Variants in FYB2 observed in about 807,000 individuals in gnomAD.
FYB2 encodes the protein FYN binding protein 2, also known as FYN-binding protein 2.
In FYB2, 103 loss-of-function variants were observed where a neutral mutation model predicts 94.1. That is an observed-to-expected ratio of 1.09 (90% CI 0.93 to 1.29). The LOEUF is 1.29. Among genes scored for constraint, FYB2 ranks in the 50% most tolerant of loss-of-function variants. The probability of loss-of-function intolerance (pLI) is 0.00; values close to 1 mark genes in which losing one functional copy is unlikely to be tolerated. For missense variants in FYB2, 896 were observed against 841.5 expected (o/e 1.06, Z -0.80); for synonymous variants, 293 against 287.9 (o/e 1.02, Z -0.18).
chr1:56,780,185 A>G (rs887709654), intron 4 of FYB2, among the ~76,000 whole-genome samples: 4 of 152,254 alleles, frequency 2.6e-5, no homozygotes, highest in East Asian at 1.9e-4. Context: ...CAAGTCTGCA[A>G]CTTGTGATTG....
chr1:56,749,294 A>G (rs1265255989), intron 9 of FYB2, among the ~76,000 whole-genome samples: 1 of 151,768 alleles, frequency 6.6e-6, no homozygotes, highest in Non-Finnish European at 1.5e-5. Flanking sequence ...CTTTTCCAGT[A>G]TCCTTTTATG....
At position 56,726,590 on chromosome 1, in the gene FYB2, A is replaced by C. The variant is rs746484032; in HGVS notation, c.1794-7T>G. ...TTTCAGTTTATCTTCATCTCTGAGG[A>C]GAAATATATTTTGAGCAAGTAAATT... On this transcript the variant is annotated splice_polypyrimidine_tract_variant and splice_region_variant and intron_variant, in intron 15 of 19. Transcript: ENST00000343433. The C allele has an allele frequency of 2.5e-6, 4 of 1,603,944 alleles. No homozygotes were observed. In the South Asian group the frequency reaches 4.4e-5, roughly 18 times the overall value.
At chr1:56,740,627 T>G in intron 13 of FYB2, 70 bp downstream of exon 13, 2 of 897,444 alleles carry the variant, frequency 2.2e-6, no homozygotes, top group South Asian at 1.8e-5. Flanking sequence ...TGAGATTGGA[T>G]GGAGAACATC....
At chr1:56,781,699 A>T (rs565536813) in intron 4 of FYB2, among the ~76,000 whole-genome samples, 1 of 152,166 alleles carries the variant, frequency 6.6e-6, no homozygotes, top group Non-Finnish European at 1.5e-5. Context: ...GTGTCAGCTC[A>T]TGTCACTTCC....
At chr1:56,743,272 C>T (rs997076464) in intron 11 of FYB2, among the ~76,000 whole-genome samples, 1 of 151,890 alleles carries the variant, frequency 6.6e-6, no homozygotes, top group Non-Finnish European at 1.5e-5. Flanking sequence ...ATGTACTTGG[C>T]ATTATGCTAG....
At chr1:56,790,812 A>T (rs943547523) in intron 2 of FYB2, among the ~76,000 whole-genome samples, 2 of 152,214 alleles carry the variant, frequency 1.3e-5, no homozygotes, top group Non-Finnish European at 2.9e-5. Context: ...GAGGCAGTAC[A>T]CTTTATAGAG....
chr1:56,825,484 C>T, the FYB2 span, among the ~76,000 whole-genome samples: 16 of 152,148 alleles, frequency 1.1e-4, no homozygotes, highest in East Asian at 2.9e-3. Flanking sequence ...GAAATGCTTA[C>T]CTAATTTCCA....
chr1:56,779,232 G>T (rs1255744705), intron 4 of FYB2, among the ~76,000 whole-genome samples: 1 of 152,096 alleles, frequency 6.6e-6, no homozygotes, highest in African/African-American at 2.4e-5. Flanking sequence ...CAACATTTTT[G>T]AATTTTATTC....
chr1:56,723,368 A>G (rs1301383766), intron 17 of FYB2, among the ~76,000 whole-genome samples: 1 of 151,992 alleles, frequency 6.6e-6, no homozygotes, highest in Non-Finnish European at 1.5e-5. Flanking sequence ...GCCTTCAAGA[A>G]CAACTTAGGA....
intron 2 of FYB2, 88 bp downstream of exon 2, chr1:56,791,968 C>T (rs900477405): frequency 1.9e-5 from 28 of 1,491,934 alleles, no homozygotes; most frequent in South Asian, 2.9e-5. Flanking sequence ...AGGTCATATA[C>T]ATAACCACTC....
At chr1:56,776,876 T>C (rs1645889478) in intron 4 of FYB2, among the ~76,000 whole-genome samples, 1 of 152,092 alleles carries the variant, frequency 6.6e-6, no homozygotes, top group South Asian at 2.1e-4. Flanking sequence ...TTAGAGATAT[T>C]TATCTCAATC....
At chr1:56,735,920 A>C (rs1274697832) in intron 15 of FYB2, among the ~76,000 whole-genome samples, 1 of 152,152 alleles carries the variant, frequency 6.6e-6, no homozygotes, top group Non-Finnish European at 1.5e-5. Flanking sequence ...AGTTAACAAT[A>C]ATATATCATA....
At chr1:56,757,682 C>T (rs1645370848) in intron 6 of FYB2, among the ~76,000 whole-genome samples, 1 of 62,354 alleles carries the variant, frequency 1.6e-5, no homozygotes, top group Non-Finnish European at 2.9e-5. Context: ...CTCTTTCCTT[C>T]CTTCCTTCTT....
At chr1:56,721,358 G>C (rs553698069) in intron 17 of FYB2, among the ~76,000 whole-genome samples, 1 of 151,904 alleles carries the variant, frequency 6.6e-6, no homozygotes, top group Non-Finnish European at 1.5e-5. Context: ...TTATTATTAT[G>C]ATTAAGAGTG....
At chr1:56,723,765 G>T in intron 16 of FYB2, 84 bp from the exon 17 acceptor site, 2 of 723,580 alleles carry the variant, frequency 2.8e-6, no homozygotes. Context: ...CTTCATTTCA[G>T]GATAAATTCA....
At chr1:56,768,639 T>C (rs1486470413) in intron 4 of FYB2, among the ~76,000 whole-genome samples, 1 of 152,150 alleles carries the variant, frequency 6.6e-6, no homozygotes, top group African/African-American at 2.4e-5. Flanking sequence ...AAATCTGAAA[T>C]TATTCTGTAA....
chr1:56,774,540 T>C (rs1367877379), intron 4 of FYB2, among the ~76,000 whole-genome samples: 1 of 152,176 alleles, frequency 6.6e-6, no homozygotes, highest in Non-Finnish European at 1.5e-5. Flanking sequence ...TGCATACATA[T>C]ACATCTTTTT....
intron 1 of FYB2, among the ~76,000 whole-genome samples, chr1:56,810,699 G>C (rs1213644118): frequency 6.6e-6 from 1 of 152,178 alleles, no homozygotes; most frequent in Non-Finnish European, 1.5e-5. Context: ...TTCATGTAAA[G>C]AGCCAGAATA....
At chr1:56,765,160 C>T (rs1234639815) in intron 5 of FYB2, among the ~76,000 whole-genome samples, 2 of 152,156 alleles carry the variant, frequency 1.3e-5, no homozygotes, top group African/African-American at 2.4e-5. Context: ...CTGATAACAT[C>T]TTAGCTGGAA....
Sources: allele counts gnomAD v4.1 joint callset (sites outside exome capture counted in the v4.1 genomes callset), GRCh38; gene constraint gnomAD v4.1.1; transcripts MANE v1.5; gene names NCBI Gene and HGNC (gene_info 2026-07-23, HGNC 2026-07-21).